RPA2: variants seen among roughly 807,000 people sequenced by gnomAD.
The protein encoded by RPA2 is replication protein A 32 kDa subunit.
In RPA2, 22 loss-of-function variants were observed where a neutral mutation model predicts 33.4. The ratio of observed to expected loss-of-function variants is 0.66; its 90% CI spans 0.47 to 0.94. The LOEUF (loss-of-function observed/expected upper bound fraction) is 0.94. Among genes scored for constraint, RPA2 ranks in the 40% least tolerant of loss-of-function variants. The pLI is 0.00. For synonymous variants in RPA2, 109 were observed against 114.9 expected, an observed-to-expected ratio of 0.95 and a Z score of 0.33; for missense variants, 279 against 329.9, an observed-to-expected ratio of 0.85 and a Z score of 1.19.
chr1:27,902,751 C>G (rs2089982928), intron 4 of RPA2, among the ~76,000 whole-genome samples: 1 of 150,542 alleles, frequency 6.6e-6, no homozygotes, highest in Admixed American at 6.6e-5. Flanking sequence ...TGAGACCAGC[C>G]TATTTCTTAA....
intron 2 of RPA2, among the ~76,000 whole-genome samples, chr1:27,909,277 A>G (rs2090068748): frequency 6.6e-6 from 1 of 152,222 alleles, no homozygotes; most frequent in Non-Finnish European, 1.5e-5. Flanking sequence ...CATCCACGAC[A>G]CTGCCAATAT....
chr1:27,906,861 A>G (rs1016506938), intron 4 of RPA2, 67 bp downstream of exon 4: 27 of 1,055,386 alleles, frequency 2.6e-5, no homozygotes, highest in South Asian at 1.9e-4. Context: ...CTTTAAAAAG[A>G]CTAAAAAAGT....
chr1:27,897,506 G>A, intron 5 of RPA2, 127 bp downstream of exon 5: 1 of 552,246 alleles, frequency 1.8e-6, no homozygotes, highest in Middle Eastern at 3.3e-4. Context: ...TCCTTTTGAA[G>A]AGAGTAAGAA....
At position 27,907,247 on chromosome 1, in the gene RPA2, T is replaced by A; in HGVS notation, c.153A>T (p.Ile51=). ...CCAAAGTGGCAGAAAGCAGCTGAGA[T>A]ATAGTACAGGGCACAATGTGCTGGG... ...ARAQHIVPCT[I]SQLLSATLVD... Residue 51 remains isoleucine, a synonymous_variant, in exon 3 of 9, where the codon ATA becomes ATT. Coordinates refer to ENST00000373912, the MANE Select transcript of RPA2 (RefSeq NM_002946.5). The A allele has an allele frequency of 6.2e-7, 1 of 1,613,980 alleles. No individual in the cohort carries two copies. The highest frequency in any genetic ancestry group is 8.5e-7 in the Non-Finnish European group (1 of 1,179,980).
In RPA2 at chr1:27,894,586, C is replaced by G. The variant is rs28904898; in HGVS notation, c.526-189G>C. ...TTTCACAGGAAGATAAAGTAACTCC[C>G]CGAAGCACATAAATATCAAAAAGAG... On this transcript the variant is annotated intron_variant, in intron 6 of 8. Transcript: ENST00000373912. Among the ~76,000 whole-genome samples, 841 of 152,256 alleles carry G rather than the reference C, an allele frequency of 5.5e-3. 10 individuals are homozygous for G. The highest frequency in any genetic ancestry group is 0.017 in the African/African-American group (708 of 41,546).
At chr1:27,910,156 G>A (rs2090080359) in intron 2 of RPA2, among the ~76,000 whole-genome samples, 1 of 152,114 alleles carries the variant, frequency 6.6e-6, no homozygotes, top group African/African-American at 2.4e-5. Flanking sequence ...ATGAGGTTTG[G>A]AGCCAGAGAG....
At chr1:27,902,520 G>C (rs2089980637) in intron 4 of RPA2, among the ~76,000 whole-genome samples, 2 of 152,082 alleles carry the variant, frequency 1.3e-5, no homozygotes, top group African/African-American at 4.8e-5. Flanking sequence ...CTGACCTCAG[G>C]TGATCCACTC....
In RPA2 at chr1:27,914,498, C is replaced by T; in HGVS notation, c.-55G>A. On this transcript the variant is annotated 5_prime_UTR_variant, in exon 1 of 9. Transcript: ENST00000373912. ...AGAAGGTGCGGGTCTGGGGGAATAG[C>T]GGAAAACCACAGAACGCGGCCGCCA... The T allele has an allele frequency of 2.5e-6, 4 of 1,593,306 alleles. No individual in the cohort carries two copies. Among genetic ancestry groups the T allele is most frequent in the South Asian group, 2.3e-5 (2 of 88,056 alleles).
Position 27,897,119 on chromosome 1 carries a change from G to T in RPA2, c.411C>A (p.Asn137Lys). ...TCTTAAAGGCTACCAGGCTCTTTTT[G>T]TTCTATTAAAATGAAGGAAAAAAAT... is the stretch of plus-strand genomic sequence containing the variant. ...KVAGHLRSFQNKKSLVAFKIM... is the reference protein window; with the variant it reads ...KVAGHLRSFQKKKSLVAFKIM... Residue 137 changes from asparagine (N) to lysine (K), a missense_variant and splice_region_variant, in exon 6 of 9, where the codon AAC becomes AAA. Coordinates refer to ENST00000373912, the MANE Select transcript of RPA2 (RefSeq NM_002946.5). The T allele has an allele frequency of 6.2e-7, 1 of 1,606,446 alleles. No individual in the cohort carries two copies. The highest frequency in any genetic ancestry group is 8.5e-7 in the Non-Finnish European group (1 of 1,176,558).
At position 27,897,745 on chromosome 1, in the gene RPA2, G is replaced by A. The variant is rs769376249; in HGVS notation, c.334-38C>T. On this transcript the variant is annotated intron_variant, in intron 4 of 8. Coordinates refer to ENST00000373912, the MANE Select transcript of RPA2 (RefSeq NM_002946.5). Reference sequence around the variant, plus strand: ...ACAAACATGTCATTAAAGTTTTAGTGATGCTGGTAAAAGCCTCTTTAACGT... The same window carrying A: ...ACAAACATGTCATTAAAGTTTTAGTAATGCTGGTAAAAGCCTCTTTAACGT... 8.3e-6 allele frequency: 12 copies of A among 1,449,352 alleles called. No individual in the cohort carries two copies. The South Asian group carries it at 1.6e-4, about 19-fold the overall frequency. 89.8% of individuals were successfully genotyped at this position (1,449,352 alleles called of 1,614,324 possible). A position where few individuals can be genotyped will look rare whatever the true frequency, so the allele number is the denominator to read the frequency against.
At chr1:27,894,268 A>C (rs764982261) in intron 7 of RPA2, 22 bp downstream of exon 7, 1 of 1,603,130 alleles carries the variant, frequency 6.2e-7, no homozygotes, top group East Asian at 2.2e-5. Flanking sequence ...TGTATTTCTG[A>C]AGCCACTCTG....
intron 4 of RPA2, among the ~76,000 whole-genome samples, chr1:27,905,616 T>C (rs918922658): frequency 3.3e-5 from 5 of 151,268 alleles, no homozygotes; most frequent in Non-Finnish European, 5.9e-5. Context: ...TCTTTAATTC[T>C]TTCCTTGATG....
chr1:27,907,143 T>C (rs1250127268), intron 3 of RPA2, 38 bp downstream of exon 3: 5 of 1,592,374 alleles, frequency 3.1e-6, no homozygotes, highest in Non-Finnish European at 4.3e-6. Flanking sequence ...CATTCTTTAT[T>C]ATGAGTAAGT....
At chr1:27,909,456 G>A (rs531538268) in intron 2 of RPA2, among the ~76,000 whole-genome samples, 34 of 152,192 alleles carry the variant, frequency 2.2e-4, no homozygotes, top group Middle Eastern at 3.4e-3. Flanking sequence ...GGTGGGTAAC[G>A]CCTGTAATCC....
intron 4 of RPA2, among the ~76,000 whole-genome samples, chr1:27,906,724 G>A (rs1349038480): frequency 6.6e-6 from 1 of 152,102 alleles, no homozygotes; most frequent in Non-Finnish European, 1.5e-5. Flanking sequence ...ACATTCTACT[G>A]TCTCCTGTCA....
chr1:27,898,603 C>T (rs1000431), intron 4 of RPA2, among the ~76,000 whole-genome samples: 69,509 of 149,486 alleles, frequency 0.46, 17,145 homozygotes, highest in African/African-American at 0.65. Context: ...TGGAGTGGAG[C>T]GGCATGATCT....
chr1:27,907,249 T>C lies in RPA2; in HGVS notation c.151A>G (p.Ile51Val), dbSNP rs540849246. 6 of 1,613,966 alleles carry C rather than the reference T, an allele frequency of 3.7e-6. No individual in the cohort carries two copies. In the East Asian group the frequency reaches 1.1e-4, roughly 30 times the overall value. Residue 51 changes from isoleucine (I) to valine (V), a missense_variant, in exon 3 of 9, where the codon ATA (isoleucine) becomes GTA (valine). Coordinates refer to ENST00000373912, the MANE Select transcript of RPA2 (RefSeq NM_002946.5). ...AAAGTGGCAGAAAGCAGCTGAGATA[T>C]AGTACAGGGCACAATGTGCTGGGCT... The part of the protein sequence containing the change: ...ARAQHIVPCT[I>V]SQLLSATLVD...
intron 4 of RPA2, 41 bp from the exon 5 acceptor site, chr1:27,897,748 G>A (rs1464529836): frequency 6.5e-6 from 9 of 1,392,524 alleles, no homozygotes; most frequent in Middle Eastern, 2.0e-4. Context: ...TTTTAGTGAT[G>A]CTGGTAAAAG....
chr1:27,914,218 A>G, intron 1 of RPA2, 49 bp from the exon 2 acceptor site: 1 of 1,610,094 alleles, frequency 6.2e-7, no homozygotes, highest in Non-Finnish European at 8.5e-7. Flanking sequence ...CACGCCTCCG[A>G]GAAACCCGCA....
Sources: gnomAD v4.1 joint callset for allele counts (sites outside exome capture counted in the v4.1 genomes callset) on GRCh38, gnomAD v4.1.1 for gene constraint, MANE v1.5 for transcripts, NCBI Gene and HGNC (gene_info 2026-07-23, HGNC 2026-07-21) for gene names.